PRELID3A: variants seen among roughly 807,000 people sequenced by gnomAD.
PRELID3A encodes PRELI domain containing protein 3A.
In PRELID3A, 27 loss-of-function variants were observed where a neutral mutation model predicts 23.0. The observed-to-expected ratio is 1.17, with a 90% CI of 0.87 to 1.62. PRELID3A has a LOEUF of 1.62. Ranked by LOEUF, PRELID3A falls within the 40% of genes most tolerant of loss-of-function variation. The pLI is 0.00. For synonymous variants in PRELID3A, 87 were observed against 86.4 expected, an observed-to-expected ratio of 1.01 and a Z score of -0.04; for missense variants, 231 against 231.4, an observed-to-expected ratio of 1.00 and a Z score of 0.01.
chr18:12,423,002 T>A (rs576027474), intron 3 of PRELID3A, among the ~76,000 whole-genome samples: 1 of 152,202 alleles, frequency 6.6e-6, no homozygotes, highest in Non-Finnish European at 1.5e-5. Flanking sequence ...TATTTCCTCC[T>A]GACTGGCTCT....
intron 1 of PRELID3A, among the ~76,000 whole-genome samples, chr18:12,411,485 A>AAT (rs1491233229): frequency 1.2e-4 from 18 of 150,636 alleles, no homozygotes; most frequent in Non-Finnish European, 1.0e-4. Flanking sequence ...AAAAAAAAAA[A>AAT]GGACAGGGTT....
At chr18:12,420,206 CT>C in intron 1 of PRELID3A, 118 bp from the exon 2 acceptor site, 2 of 1,447,660 alleles carry the variant, frequency 1.4e-6, no homozygotes, top group Non-Finnish European at 1.8e-6. Context: ...TCGGACCAGC[CT>C]TTCATTAAAG....
chr18:12,416,658 T>G (rs2029963555), intron 1 of PRELID3A, among the ~76,000 whole-genome samples: 2 of 141,406 alleles, frequency 1.4e-5, no homozygotes, highest in African/African-American at 2.6e-5. Context: ...TTTTTTTTTT[T>G]TTTTTTAGAC....
chr18:12,421,049 T>C (rs1470653742), intron 2 of PRELID3A, among the ~76,000 whole-genome samples: 1 of 151,676 alleles, frequency 6.6e-6, no homozygotes, highest in Non-Finnish European at 1.5e-5. Context: ...GCCAGGGAGG[T>C]CGCTGGAAAT....
intron 3 of PRELID3A, among the ~76,000 whole-genome samples, chr18:12,423,545 G>A (rs1471544488): frequency 6.6e-6 from 1 of 152,204 alleles, no homozygotes; most frequent in African/African-American, 2.4e-5. Context: ...ATGAGGGGCA[G>A]GTGTGAGAAG....
chr18:12,430,504 GT>G (rs1471609226), intron 6 of PRELID3A, among the ~76,000 whole-genome samples: 2 of 98,894 alleles, frequency 2.0e-5, no homozygotes, highest in Non-Finnish European at 3.9e-5. Context: ...GTGTATGCTG[GT>G]GTGTGATGTG....
At chr18:12,426,352 A>C (rs576120468) in intron 3 of PRELID3A, among the ~76,000 whole-genome samples, 25 of 151,376 alleles carry the variant, frequency 1.7e-4, no homozygotes, top group Admixed American at 9.2e-4. Flanking sequence ...CAGGAGATCG[A>C]GACCATCCTG....
chr18:12,430,773 G>A (rs1056211262), intron 6 of PRELID3A, among the ~76,000 whole-genome samples: 1 of 149,648 alleles, frequency 6.7e-6, no homozygotes, highest in Non-Finnish European at 1.5e-5. Flanking sequence ...TGATGTGTGT[G>A]CATGCGTGTA....
chr18:12,429,153 T>C (rs1449480812), intron 5 of PRELID3A, among the ~76,000 whole-genome samples, 197 bp from the exon 6 acceptor site: 2 of 152,204 alleles, frequency 1.3e-5, no homozygotes, highest in East Asian at 3.8e-4. Context: ...GCAGTGACTC[T>C]TAGGCACTGT....
chr18:12,429,126 G>A (rs772312211), intron 5 of PRELID3A, among the ~76,000 whole-genome samples: 1 of 152,172 alleles, frequency 6.6e-6, no homozygotes, highest in Non-Finnish European at 1.5e-5. Flanking sequence ...TAAGCCGGGC[G>A]CTGGTTTGCT....
intron 3 of PRELID3A, among the ~76,000 whole-genome samples, chr18:12,423,594 C>T (rs1209285579): frequency 6.6e-6 from 1 of 152,146 alleles, no homozygotes; most frequent in Non-Finnish European, 1.5e-5. Context: ...GAGTATGCAG[C>T]CCCTGCACAG....
chr18:12,415,101 G>A (rs549435574), intron 1 of PRELID3A, among the ~76,000 whole-genome samples: 10 of 152,062 alleles, frequency 6.6e-5, no homozygotes, highest in Non-Finnish European at 8.8e-5. Context: ...GCTAATTTTC[G>A]TATTTTTTGT....
At chr18:12,424,710 AC>A (rs1191323279) in intron 3 of PRELID3A, among the ~76,000 whole-genome samples, 1 of 152,210 alleles carries the variant, frequency 6.6e-6, no homozygotes, top group Non-Finnish European at 1.5e-5. Context: ...CACTGTTTAA[AC>A]TTTTTAAAAC....
In PRELID3A at chr18:12,408,629, C is replaced by A. The variant is rs1186535302; in HGVS notation, c.32+622C>A. ...CCGGCACACGGATGGAAGTGGAGGT[C>A]ATTATCTTAAGTGAAGCCAGGCCCA... On this transcript the variant is annotated intron_variant, in intron 1 of 6. Transcript: ENST00000440960. Among the ~76,000 whole-genome samples the A allele has an allele frequency of 2.0e-5, 3 of 152,076 alleles. No individual in the cohort carries two copies. In the East Asian group the frequency reaches 5.8e-4, roughly 29 times the overall value.
rs1197399190 is a variant in PRELID3A, at chr18:12,427,296, C to T, written c.438C>T (p.Ala146=). The change falls in exon 5 of 7, where the codon GCC becomes GCT. Residue 146 remains alanine, a synonymous_variant. Transcript: ENST00000440960. ...SLGSYLESLM[A]NTISSNAKKG... is the part of the protein sequence containing the mutation. ...GTAGTTATTTGGAAAGTTTAATGGC[C>T]AATACGATATCATCCAATGCAAAGA... The T allele has an allele frequency of 6.2e-7, 1 of 1,612,812 alleles. No homozygotes were observed. The highest frequency in any genetic ancestry group is 1.1e-5 in the South Asian group (1 of 91,052).
chr18:12,421,489 T>C (rs371544771), intron 2 of PRELID3A, 51 bp from the exon 3 acceptor site: 5 of 1,079,904 alleles, frequency 4.6e-6, no homozygotes, highest in Non-Finnish European at 7.2e-6. Context: ...GGTGGTGATA[T>C]GAAGTAGAAT....
At chr18:12,416,663 TTA>T (rs745867414) in intron 1 of PRELID3A, among the ~76,000 whole-genome samples, 4,088 of 111,476 alleles carry the variant, frequency 0.037, 75 homozygotes, top group African/African-American at 0.045. Flanking sequence ...TTTTTTTTTT[TTA>T]GACAGAGTCT....
At chr18:12,426,324 G>A (rs1389563738) in intron 3 of PRELID3A, among the ~76,000 whole-genome samples, 1 of 151,508 alleles carries the variant, frequency 6.6e-6, no homozygotes, top group Non-Finnish European at 1.5e-5. Context: ...GGAGGCCAAG[G>A]CGGGCGGATC....
In PRELID3A at chr18:12,407,943, G is replaced by A; in HGVS notation, c.-33G>A. 7.7e-7 allele frequency: 1 copy of A among 1,290,836 alleles called. No homozygotes were observed. The highest frequency in any genetic ancestry group is 2.5e-5 in the South Asian group (1 of 39,884). The allele number at this position is 1,290,836 out of a possible 1,614,324, so 80.0% of individuals were successfully genotyped here. ...CCGCGCGGCCCGAAGCACCCGGCCCGGATCGCAGAGCCCGCGCCCTGCGCC... is the reference window on the plus strand; with the variant it reads ...CCGCGCGGCCCGAAGCACCCGGCCCAGATCGCAGAGCCCGCGCCCTGCGCC... On this transcript the variant is annotated 5_prime_UTR_variant, in exon 1 of 7. Coordinates refer to ENST00000440960, the MANE Select transcript of PRELID3A (RefSeq NM_001142405.2).
Sources: gnomAD v4.1 joint callset for allele counts (sites outside exome capture counted in the v4.1 genomes callset) on GRCh38, gnomAD v4.1.1 for gene constraint, MANE v1.5 for transcripts, NCBI Gene and HGNC (gene_info 2026-07-23, HGNC 2026-07-21) for gene names.